The following RAD18 variants were observed in gnomAD, a reference collection of about 807,000 sequenced individuals.
RAD18 encodes RAD18 E3 ubiquitin protein ligase, also known as E3 ubiquitin-protein ligase RAD18.
In RAD18, 47 loss-of-function variants were observed where a neutral mutation model predicts 60.4. The observed-to-expected ratio is 0.78, with a 90% CI of 0.62 to 0.99. The LOEUF (loss-of-function observed/expected upper bound fraction) is 0.99, where lower values mean the gene tolerates loss of function less well. Among genes scored for constraint, RAD18 ranks in the 50% least tolerant of loss-of-function variants. The pLI is 0.00. For missense variants in RAD18, 640 were observed against 593.3 expected, an observed-to-expected ratio of 1.08 and a Z score of -0.82; for synonymous variants, 225 against 195.5, an observed-to-expected ratio of 1.15 and a Z score of -1.26.
intron 9 of RAD18, among the ~76,000 whole-genome samples, chr3:8,904,019 G>A (rs1219430884): frequency 1.3e-5 from 2 of 152,178 alleles, no homozygotes; most frequent in Admixed American, 6.5e-5. Flanking sequence ...GTATGTTGTA[G>A]ATAACTGAGA....
chr3:8,877,843 G>A lies in RAD18; in HGVS notation c.*3514C>T, dbSNP rs529388948. ...AAGAGAAAAAAAAGGGGGTGGGGAA[G>A]AGAAAAGAGAAAGAGTGAAAGGGGA... On this transcript the variant is annotated 3_prime_UTR_variant, in exon 13 of 13. Coordinates refer to ENST00000264926, the MANE Select transcript of RAD18 (RefSeq NM_020165.4). 80 of 152,248 alleles carry A rather than the reference G, an allele frequency of 5.3e-4. No homozygotes were observed. Among genetic ancestry groups the A allele is most frequent in the Middle Eastern group, 3.4e-3 (1 of 296 alleles). 9.4% of individuals were successfully genotyped at this position (152,248 alleles called of 1,614,324 possible). A position where few individuals can be genotyped will look rare whatever the true frequency, so the allele number is the denominator to read the frequency against.
intron 9 of RAD18, among the ~76,000 whole-genome samples, chr3:8,904,148 A>G (rs1359748408): frequency 2.6e-5 from 4 of 152,134 alleles, no homozygotes; most frequent in Admixed American, 1.3e-4. Context: ...ATTCATTTCA[A>G]TGTTCCTCAT....
At chr3:8,902,579 C>G (rs981092900) in intron 9 of RAD18, 59 bp from the exon 10 acceptor site, 4 of 1,476,454 alleles carry the variant, frequency 2.7e-6, no homozygotes. Flanking sequence ...CCATCTACAA[C>G]TGACAAACTG....
At chr3:8,921,646 A>C (rs1163241279) in intron 7 of RAD18, among the ~76,000 whole-genome samples, 1 of 152,190 alleles carries the variant, frequency 6.6e-6, no homozygotes, top group African/African-American at 2.4e-5. Flanking sequence ...TCTTTAAAAA[A>C]AAACAAGACA....
intron 11 of RAD18, among the ~76,000 whole-genome samples, chr3:8,892,395 C>T (rs669906): frequency 0.63 from 96,268 of 152,102 alleles, 31,993 homozygotes; most frequent in Middle Eastern, 0.73. Context: ...ATAGATTACA[C>T]GTGAGAAAGA....
At chr3:8,921,141 AG>A (rs1940312602) in intron 7 of RAD18, among the ~76,000 whole-genome samples, 1 of 152,240 alleles carries the variant, frequency 6.6e-6, no homozygotes, top group Non-Finnish European at 1.5e-5. Context: ...AGAAAAAGAG[AG>A]AAAGAGGAAC....
chr3:8,908,110 C>T (rs1415103224), intron 9 of RAD18, among the ~76,000 whole-genome samples: 5 of 152,120 alleles, frequency 3.3e-5, no homozygotes. Flanking sequence ...GACCCTGCCA[C>T]CTCTCTCTTT....
chr3:8,943,376 G>A (rs1940788458), intron 4 of RAD18, among the ~76,000 whole-genome samples: 1 of 151,424 alleles, frequency 6.6e-6, no homozygotes, highest in Non-Finnish European at 1.5e-5. Flanking sequence ...TGTATTATGA[G>A]AAATAAAATC....
At chr3:8,957,419 T>C (rs1391454521) in intron 2 of RAD18, among the ~76,000 whole-genome samples, 1 of 152,178 alleles carries the variant, frequency 6.6e-6, no homozygotes, top group Non-Finnish European at 1.5e-5. Context: ...CTTCAAGACT[T>C]ACTACAAAGC....
At position 8,902,373 on chromosome 3, in the gene RAD18, C is replaced by A. The variant is rs1004386300; in HGVS notation, c.1168+7G>T. 6.4e-7 allele frequency: 1 copy of A among 1,564,918 alleles called. No individual in the cohort carries two copies. Among genetic ancestry groups the A allele is most frequent in the Admixed American group, 2.0e-5 (1 of 50,952 alleles). ...ACATATGTCTGTTTTTAATTATAGT[C>A]TCTTACCCATGCATACAGAAGATAG... is the stretch of plus-strand genomic sequence containing the variant. On this transcript the variant is annotated splice_region_variant and intron_variant, in intron 10 of 12. Coordinates refer to ENST00000264926, the MANE Select transcript of RAD18 (RefSeq NM_020165.4).
intron 4 of RAD18, among the ~76,000 whole-genome samples, chr3:8,942,086 C>A (rs964654032): frequency 6.6e-6 from 1 of 152,006 alleles, no homozygotes; most frequent in Non-Finnish European, 1.5e-5. Context: ...CTTTAAAATC[C>A]GAACAAAATA....
At chr3:8,882,312 C>T (rs916000262) in intron 12 of RAD18, among the ~76,000 whole-genome samples, 2 of 152,140 alleles carry the variant, frequency 1.3e-5, no homozygotes, top group African/African-American at 4.8e-5. Flanking sequence ...ACCTCATTTG[C>T]AGGAACGCAG....
chr3:8,881,173 C>T lies in RAD18; in HGVS notation c.*184G>A, dbSNP rs1020834834. On this transcript the variant is annotated 3_prime_UTR_variant, in exon 13 of 13. Coordinates refer to ENST00000264926, the MANE Select transcript of RAD18 (RefSeq NM_020165.4). ...TGTTTTAGAGGCAGGAGGCAACTGA[C>T]CAAGTAAGGATATTTTGTAACATTT... 1 of 554,566 alleles carries T rather than the reference C, an allele frequency of 1.8e-6. No individual in the cohort carries two copies. The allele number at this position is 554,566 out of a possible 1,614,324, so 34.4% of individuals were successfully genotyped here.
At chr3:8,892,768 G>C (rs914256465) in intron 11 of RAD18, among the ~76,000 whole-genome samples, 7 of 152,158 alleles carry the variant, frequency 4.6e-5, no homozygotes, top group Admixed American at 1.3e-4. Context: ...TGAAAAGTAA[G>C]ATGTCAAATA....
chr3:8,963,442 C>G lies in RAD18; in HGVS notation c.-57G>C, dbSNP rs906730718. On this transcript the variant is annotated 5_prime_UTR_variant, in exon 1 of 13. Coordinates refer to ENST00000264926, the MANE Select transcript of RAD18 (RefSeq NM_020165.4). ...CCCACTAGCCTCCGGCGCTCCAACA[C>G]CACTCGAAATTCCCCGCGCTACCGC... is the stretch of plus-strand genomic sequence containing the variant. 6.8e-7 allele frequency: 1 copy of G among 1,471,474 alleles called. No homozygotes were observed. Among genetic ancestry groups the G allele is most frequent in the Non-Finnish European group, 9.3e-7 (1 of 1,079,000 alleles). The allele number at this position is 1,471,474 out of a possible 1,614,324, so 91.2% of individuals were successfully genotyped here.
chr3:8,923,221 G>C (rs979806770), intron 7 of RAD18, among the ~76,000 whole-genome samples: 3 of 152,180 alleles, frequency 2.0e-5, no homozygotes, highest in African/African-American at 7.2e-5. Flanking sequence ...GTCCTTAAAT[G>C]ACCTGATGGA....
chr3:8,917,154 T>C (rs542823431), intron 7 of RAD18, among the ~76,000 whole-genome samples: 14 of 152,084 alleles, frequency 9.2e-5, no homozygotes, highest in African/African-American at 2.4e-5. Flanking sequence ...CAGATAACAA[T>C]AGAGTGACAT....
At chr3:8,900,542 T>G (rs551986579) in intron 10 of RAD18, among the ~76,000 whole-genome samples, 1 of 152,178 alleles carries the variant, frequency 6.6e-6, no homozygotes, top group Non-Finnish European at 1.5e-5. Flanking sequence ...AAAAAATAAG[T>G]TATCCTTCCT....
At chr3:8,946,353 T>A (rs912285981) in intron 4 of RAD18, among the ~76,000 whole-genome samples, 3 of 152,244 alleles carry the variant, frequency 2.0e-5, no homozygotes, top group African/African-American at 4.8e-5. Flanking sequence ...TGTTGGTTTG[T>A]GTAAGTACAC....
Sources: allele counts gnomAD v4.1 joint callset (sites outside exome capture counted in the v4.1 genomes callset), GRCh38; gene constraint gnomAD v4.1.1; transcripts MANE v1.5; gene names NCBI Gene and HGNC (gene_info 2026-07-23, HGNC 2026-07-21).